The following SPAG5 variants were observed in gnomAD, a reference collection of about 807,000 sequenced individuals.
SPAG5 encodes the protein sperm associated antigen 5, also known as sperm-associated antigen 5.
In SPAG5, 99 loss-of-function variants were observed where a neutral mutation model predicts 145.4. That is an observed-to-expected ratio of 0.68 (90% CI 0.58 to 0.80). SPAG5 has a LOEUF of 0.80. SPAG5 is among the 30% of genes least tolerant of loss of function. The pLI is 0.00. For missense variants in SPAG5, 1,192 were observed against 1,416.0 expected (o/e 0.84, Z 2.54); for synonymous variants, 477 against 525.4 (o/e 0.91, Z 1.26).
intron 10 of SPAG5, 93 bp downstream of exon 10, chr17:28,585,009 G>A: frequency 1.6e-6 from 2 of 1,242,290 alleles, no homozygotes; most frequent in South Asian, 2.5e-5. Context: ...AAACCCACAG[G>A]GTGAAAAGAA....
chr17:28,595,088 T>C (rs1489056542), intron 2 of SPAG5, among the ~76,000 whole-genome samples: 1 of 151,528 alleles, frequency 6.6e-6, no homozygotes, highest in Non-Finnish European at 1.5e-5. Flanking sequence ...TGAAACCCCA[T>C]CTCTACTCAA....
intron 14 of SPAG5, 87 bp from the exon 15 acceptor site, chr17:28,583,736 G>T (rs569869682): frequency 6.5e-7 from 1 of 1,541,904 alleles, no homozygotes; most frequent in East Asian, 2.3e-5. Context: ...TGCATTAAAG[G>T]AGAGAAACAA....
intron 15 of SPAG5, 47 bp from the exon 16 acceptor site, chr17:28,580,167 T>C: frequency 1.5e-6 from 2 of 1,310,170 alleles, no homozygotes; most frequent in Non-Finnish European, 2.1e-6. Flanking sequence ...TCTAGTGAAC[T>C]CCTGGGCTTC....
intron 2 of SPAG5, among the ~76,000 whole-genome samples, chr17:28,594,279 A>G (rs2070644166): frequency 6.6e-6 from 1 of 152,212 alleles, no homozygotes. Context: ...CTTTAGATAG[A>G]AAGTCCAATT....
At chr17:28,586,331 C>T (rs753811896) in intron 5 of SPAG5, 94 bp downstream of exon 5, 1 of 1,236,976 alleles carries the variant, frequency 8.1e-7, no homozygotes, top group Non-Finnish European at 1.2e-6. Context: ...TTCACCACCA[C>T]GACTTAGTAT....
chr17:28,592,119 G>A lies in SPAG5; in HGVS notation c.1125C>T (p.Gly375=). ...LPSMLRDAAI[G]TTPFSTCSVG... ...CCGAGCAAGTAGAGAAAGGGGTAGT[G>A]CCAATTGCAGCATCCCGAAGCATCG... Residue 375 remains glycine (G), a synonymous_variant, in exon 3 of 24, where the codon GGC becomes GGT. Coordinates refer to ENST00000321765, the MANE Select transcript of SPAG5 (RefSeq NM_006461.4). The A allele has an allele frequency of 6.2e-7, 1 of 1,614,162 alleles. No homozygotes were observed. Among genetic ancestry groups the A allele is most frequent in the Non-Finnish European group, 8.5e-7 (1 of 1,180,036 alleles).
chr17:28,594,351 T>C (rs1382354816), intron 2 of SPAG5, among the ~76,000 whole-genome samples: 2 of 152,156 alleles, frequency 1.3e-5, no homozygotes, highest in East Asian at 3.8e-4. Flanking sequence ...ATCCCAGCAC[T>C]TTGGGAGGCT....
intron 15 of SPAG5, 48 bp from the exon 16 acceptor site, chr17:28,580,168 C>T: frequency 7.6e-7 from 1 of 1,309,536 alleles, no homozygotes; most frequent in Non-Finnish European, 1.1e-6. Flanking sequence ...CTAGTGAACT[C>T]CTGGGCTTCC....
At chr17:28,578,604 C>T in intron 20 of SPAG5, 68 bp downstream of exon 20, 1 of 1,610,016 alleles carries the variant, frequency 6.2e-7, no homozygotes, top group Non-Finnish European at 8.5e-7. Flanking sequence ...CAAACCATTT[C>T]TCATACTTGG....
chr17:28,579,686 T>G, intron 17 of SPAG5, 65 bp downstream of exon 17: 1 of 1,511,414 alleles, frequency 6.6e-7, no homozygotes, highest in Non-Finnish European at 9.2e-7. Flanking sequence ...CTCACTGCTT[T>G]CGTCTTTACT....
Position 28,583,526 on chromosome 17 carries a change from T to G in SPAG5, c.2670A>C (p.Thr890=). ...AGGATCCTACCTTCTCCTTTAGTTT[T>G]GTCTGTAGAAAGAGAGTCAGGCTCT... ...QLQSLTLFLQ[T]KLKEKTEQET... Residue 890 remains threonine (T), a synonymous_variant, in exon 15 of 24, where the codon ACA becomes ACC. Coordinates refer to ENST00000321765, the MANE Select transcript of SPAG5 (RefSeq NM_006461.4). The G allele has an allele frequency of 6.2e-7, 1 of 1,602,526 alleles. No individual in the cohort carries two copies. The highest frequency in any genetic ancestry group is 8.5e-7 in the Non-Finnish European group (1 of 1,176,518).
chr17:28,583,457 T>C (rs780852924), intron 15 of SPAG5, 54 bp downstream of exon 15: 39 of 1,497,396 alleles, frequency 2.6e-5, no homozygotes, highest in Non-Finnish European at 3.1e-5. Flanking sequence ...AGGAAGACTA[T>C]CTGTAAAATA....
chr17:28,592,144 G>A lies in SPAG5; in HGVS notation c.1100C>T (p.Ser367Leu), dbSNP rs140105765. ...GCCAATTGCAGCATCCCGAAGCATCGAGGGAAGGGATAAGCTTTGGCGGAG... is the reference window on the plus strand; with the variant it reads ...GCCAATTGCAGCATCCCGAAGCATCAAGGGAAGGGATAAGCTTTGGCGGAG... ...ENLRQSLSLPSMLRDAAIGTT... is the reference protein window; with the variant it reads ...ENLRQSLSLPLMLRDAAIGTT... The change falls in exon 3 of 24, where the codon TCG becomes TTG. Residue 367 changes from serine (S) to leucine (L), a missense_variant. Ser to Leu is a moderately radical substitution (Grantham distance 145, BLOSUM62 -2). Around this residue, in one of 5 missense-constraint regions of SPAG5, gnomAD observed 125 missense variants for 143.8 expected, o/e 0.87. Transcript: ENST00000321765. 1.2e-5 allele frequency: 20 copies of A among 1,613,978 alleles called. No individual in the cohort carries two copies. The highest frequency in any genetic ancestry group is 5.5e-5 in the South Asian group (5 of 91,074).
At chr17:28,589,583 T>C (rs1353617821) in intron 4 of SPAG5, among the ~76,000 whole-genome samples, 1 of 152,200 alleles carries the variant, frequency 6.6e-6, no homozygotes, top group Non-Finnish European at 1.5e-5. Context: ...TTTCTCAGAA[T>C]TTCAGCCTAA....
chr17:28,585,760 G>C (rs926891686), intron 7 of SPAG5, 104 bp downstream of exon 7: 4 of 1,605,904 alleles, frequency 2.5e-6, no homozygotes, highest in Middle Eastern at 2.1e-4. Context: ...CCCAGGGCAG[G>C]CAGTTCTTAG....
At chr17:28,593,560 A>C (rs771128657) in intron 2 of SPAG5, among the ~76,000 whole-genome samples, 8 of 152,172 alleles carry the variant, frequency 5.3e-5, no homozygotes, top group Non-Finnish European at 1.0e-4. Context: ...TCTACTAAAA[A>C]TACAAACATT....
At chr17:28,591,934 G>A in intron 3 of SPAG5, 48 bp downstream of exon 3, 1 of 1,607,720 alleles carries the variant, frequency 6.2e-7, no homozygotes. Flanking sequence ...GGAGGGGAAG[G>A]TCCAGGGTAA....
At position 28,586,013 on chromosome 17, in the gene SPAG5, T is replaced by A. The variant is rs2070583203; in HGVS notation, c.1606-15A>T. ...GCACGCCGAGACTATATGGTAAGAA[T>A]CAGTTAATGTGTCTGGTTCCTCTTT... On this transcript the variant is annotated splice_polypyrimidine_tract_variant and intron_variant, in intron 6 of 23. Transcript: ENST00000321765. 2 of 1,614,070 alleles carry A rather than the reference T, an allele frequency of 1.2e-6. No homozygotes were observed.
In SPAG5 at chr17:28,578,204, A is replaced by T. The variant is rs1423140402; in HGVS notation, c.3429+14T>A. 6.2e-7 allele frequency: 1 copy of T among 1,613,742 alleles called. No homozygotes were observed. The highest frequency in any genetic ancestry group is 2.2e-5 in the East Asian group (1 of 44,902). On this transcript the variant is annotated intron_variant, in intron 22 of 23. Coordinates refer to ENST00000321765, the MANE Select transcript of SPAG5 (RefSeq NM_006461.4). ...TGGTAGGAAATGGCCCTGGAATGGC[A>T]TGGACATTCTTACATGGCTCTGGAA...
Sources: allele counts gnomAD v4.1 joint callset (sites outside exome capture counted in the v4.1 genomes callset), GRCh38; gene constraint gnomAD v4.1.1; regional missense constraint gnomAD v4.1.1; transcripts MANE v1.5; gene names NCBI Gene and HGNC (gene_info 2026-07-23, HGNC 2026-07-21).